Variants in HSPA12A observed in about 807,000 individuals in gnomAD.
HSPA12A encodes heat shock 70 kDa protein 12A.
A neutral mutation model predicts 69.2 loss-of-function variants in HSPA12A; 28 were observed. That is an observed-to-expected ratio of 0.40 (90% CI 0.30 to 0.55). The LOEUF is 0.55. HSPA12A is among the 20% of genes least tolerant of loss of function. HSPA12A has a pLI of 0.38. For missense variants in HSPA12A, 686 were observed against 900.7 expected, an observed-to-expected ratio of 0.76 and a Z score of 3.05; for synonymous variants, 345 against 370.5, an observed-to-expected ratio of 0.93 and a Z score of 0.79.
chr10:116,811,139 T>C (rs1489616778), intron 2 of HSPA12A, among the ~76,000 whole-genome samples: 1 of 152,080 alleles, frequency 6.6e-6, no homozygotes, highest in Non-Finnish European at 1.5e-5. Context: ...CAGCTGGCCA[T>C]GATAGCAATG....
At chr10:116,707,384 GC>G in intron 1 of HSPA12A, 99 bp from the exon 2 acceptor site, 1 of 940,216 alleles carries the variant, frequency 1.1e-6, no homozygotes, top group Non-Finnish European at 1.7e-6. Context: ...AGGAACTGCG[GC>G]CTCTGCAAAG....
intron 2 of HSPA12A, among the ~76,000 whole-genome samples, chr10:116,792,692 T>C (rs891660326): frequency 6.9e-6 from 1 of 145,218 alleles, no homozygotes; most frequent in African/African-American, 2.6e-5. Flanking sequence ...GAGGCTGAGG[T>C]GGAAGGATCG....
At chr10:116,814,794 A>T (rs947335898) in intron 2 of HSPA12A, among the ~76,000 whole-genome samples, 2 of 152,014 alleles carry the variant, frequency 1.3e-5, no homozygotes, top group Non-Finnish European at 2.9e-5. Flanking sequence ...CACCACCATC[A>T]CCTTGCTGGG....
chr10:116,728,748 CAGG>C (rs758761155), intron 1 of HSPA12A, among the ~76,000 whole-genome samples: 6 of 152,148 alleles, frequency 3.9e-5, no homozygotes, highest in Admixed American at 6.5e-5. Context: ...ATATGCAGAG[CAGG>C]AGTTTTCTTT....
chr10:116,795,869 G>C (rs995949998), intron 2 of HSPA12A, among the ~76,000 whole-genome samples: 6 of 149,544 alleles, frequency 4.0e-5, no homozygotes, highest in Admixed American at 1.3e-4. Context: ...ATTAAAGGCC[G>C]GGCGCGGTGG....
intron 1 of HSPA12A, chr10:116,835,135 G>A (rs1373398390): frequency 3.7e-6 from 2 of 533,822 alleles, no homozygotes; most frequent in Non-Finnish European, 2.7e-6. Flanking sequence ...CACCCGGCAG[G>A]AGGGAAGCAA....
At chr10:116,705,367 T>C in intron 2 of HSPA12A, 89 bp from the exon 3 acceptor site, 1 of 1,426,682 alleles carries the variant, frequency 7.0e-7, no homozygotes, top group Non-Finnish European at 9.9e-7. Flanking sequence ...CTTGCCTAGC[T>C]GTGAACCCCC....
chr10:116,729,252 C>G (rs1028864882), intron 1 of HSPA12A, among the ~76,000 whole-genome samples: 15 of 152,142 alleles, frequency 9.9e-5, no homozygotes, highest in Non-Finnish European at 1.5e-4. Flanking sequence ...CTGGTAAGAG[C>G]CCCAGCGTAC....
At chr10:116,725,529 A>C (rs1850925119) in intron 1 of HSPA12A, among the ~76,000 whole-genome samples, 1 of 152,200 alleles carries the variant, frequency 6.6e-6, no homozygotes, top group Admixed American at 6.5e-5. Flanking sequence ...GAGGGGCACC[A>C]GGAATTGTAT....
In HSPA12A at chr10:116,841,008, T is replaced by C. The variant is rs139299403; in HGVS notation, c.4-5986A>G. ...TGAAGCCTGAGTTACTCACGCTGCT[T>C]CCCTTGGCCGTATCTCTAGGCACAC... On this transcript the variant is annotated intron_variant, in intron 1 of 12. Transcript: ENST00000635765. Among the ~76,000 whole-genome samples, 187 of 152,260 alleles carry C rather than the reference T, an allele frequency of 1.2e-3. 2 individuals carry two copies. In the East Asian group the frequency reaches 0.034, roughly 28 times the overall value.
intron 2 of HSPA12A, among the ~76,000 whole-genome samples, chr10:116,788,273 G>A (rs1844623703): frequency 6.6e-6 from 1 of 152,158 alleles, no homozygotes; most frequent in Admixed American, 6.5e-5. Context: ...ACTGCGCCCA[G>A]GTCCATAGGC....
At chr10:116,727,468 T>C (rs1403831273) in intron 1 of HSPA12A, among the ~76,000 whole-genome samples, 1 of 152,162 alleles carries the variant, frequency 6.6e-6, no homozygotes, top group Non-Finnish European at 1.5e-5. Flanking sequence ...CAAGGTCCTA[T>C]TGGCCAAAAC....
intron 2 of HSPA12A, among the ~76,000 whole-genome samples, chr10:116,786,337 C>T (rs1234427779): frequency 6.6e-6 from 1 of 152,126 alleles, no homozygotes; most frequent in African/African-American, 2.4e-5. Context: ...CCGCCTTGCC[C>T]CTAGCCTGGG....
chr10:116,678,586 G>GAAAAA (rs11435803), intron 10 of HSPA12A, among the ~76,000 whole-genome samples: 6 of 128,672 alleles, frequency 4.7e-5, no homozygotes, highest in African/African-American at 1.7e-4. Flanking sequence ...GGTACAAAGT[G>GAAAAA]AAAAAAAAAA....
intron 1 of HSPA12A, among the ~76,000 whole-genome samples, chr10:116,838,478 C>A (rs1203030204): frequency 1.3e-5 from 2 of 152,198 alleles, no homozygotes; most frequent in Non-Finnish European, 2.9e-5. Context: ...ACACACACAT[C>A]ATCAGTGGAA....
At chr10:116,826,900 C>A (rs935596737) in intron 2 of HSPA12A, among the ~76,000 whole-genome samples, 1 of 152,108 alleles carries the variant, frequency 6.6e-6, no homozygotes, top group Non-Finnish European at 1.5e-5. Context: ...CCCAATGAGG[C>A]GGATACTTAG....
intron 3 of HSPA12A, among the ~76,000 whole-genome samples, chr10:116,702,282 T>C (rs1850100816): frequency 6.6e-6 from 1 of 152,148 alleles, no homozygotes; most frequent in East Asian, 1.9e-4. Context: ...TCCTGGCTCC[T>C]GGCCTGCCGC....
At chr10:116,705,579 T>C (rs1850218497) in intron 2 of HSPA12A, among the ~76,000 whole-genome samples, 1 of 152,198 alleles carries the variant, frequency 6.6e-6, no homozygotes, top group Non-Finnish European at 1.5e-5. Flanking sequence ...AGAAATTCTA[T>C]CATCAGGGCT....
chr10:116,798,556 C>A (rs954774381), intron 2 of HSPA12A, among the ~76,000 whole-genome samples: 1 of 152,058 alleles, frequency 6.6e-6, no homozygotes, highest in East Asian at 1.9e-4. Context: ...AAAACTGGAG[C>A]CCCCAGGAGG....
Sources: allele counts gnomAD v4.1 joint callset (sites outside exome capture counted in the v4.1 genomes callset), GRCh38; gene constraint gnomAD v4.1.1; transcripts MANE v1.5; gene names NCBI Gene and HGNC (gene_info 2026-07-23, HGNC 2026-07-21).